CHD1: variants seen among roughly 807,000 people sequenced by gnomAD.
CHD1 encodes ATP-dependent chromatin remodeler CHD1.
CHD1 carries 36 observed loss-of-function variants against 224.2 expected under a neutral mutation model. That is an observed-to-expected ratio of 0.16 (90% CI 0.12 to 0.21). CHD1 has a LOEUF of 0.21. Among genes scored for constraint, CHD1 ranks in the 10% least tolerant of loss-of-function variants. CHD1 has a pLI of 1.00. For synonymous variants in CHD1, 668 were observed against 658.3 expected (o/e 1.01, Z -0.23); for missense variants, 1,378 against 1,994.8 (o/e 0.69, Z 5.89).
At chr5:98,913,900 C>A (rs1412839988) in intron 2 of CHD1, among the ~76,000 whole-genome samples, 2 of 152,058 alleles carry the variant, frequency 1.3e-5, no homozygotes, top group Non-Finnish European at 2.9e-5. Flanking sequence ...AAAAGCCACT[C>A]ATTTCTTATG....
intron 34 of CHD1, 166 bp downstream of exon 34, chr5:98,858,798 T>C (rs1219701123): frequency 2.1e-6 from 1 of 468,292 alleles, no homozygotes; most frequent in Admixed American, 3.9e-5. Flanking sequence ...GAATACATTT[T>C]ACATAATAAT....
intron 28 of CHD1, among the ~76,000 whole-genome samples, chr5:98,871,369 C>CAAAAAAAAAAAAAAAAAA (rs61406690): frequency 4.3e-5 from 2 of 46,780 alleles, no homozygotes; most frequent in African/African-American, 1.1e-4. Flanking sequence ...CCATTTTAGG[C>CAAAAAAAAAAAAAAAAAA]AAAAAAAAAA....
intron 3 of CHD1, among the ~76,000 whole-genome samples, 178 bp downstream of exon 3, chr5:98,904,719 T>A (rs760462602): frequency 6.6e-6 from 1 of 152,234 alleles, no homozygotes; most frequent in African/African-American, 2.4e-5. Context: ...AATGCATCTA[T>A]TCCAAGCCAA....
chr5:98,902,196 T>G (rs1313227664), intron 5 of CHD1, among the ~76,000 whole-genome samples: 1 of 151,920 alleles, frequency 6.6e-6, no homozygotes. Flanking sequence ...CAGAGAGATT[T>G]GTAGAAAGAG....
Position 98,898,663 on chromosome 5 carries a change from C to G in CHD1, c.1186+1G>C. 1 of 1,486,086 alleles carries G rather than the reference C, an allele frequency of 6.7e-7. No individual in the cohort carries two copies. Among genetic ancestry groups the G allele is most frequent in the Non-Finnish European group, 9.3e-7 (1 of 1,077,478 alleles). The allele number at this position is 1,486,086 out of a possible 1,614,324, so 92.1% of individuals were successfully genotyped here. ...TTTAACTAGAATCATTTATCACTAA[C>G]CAATTATACGTTCCACTATTTGATA... On this transcript the variant is annotated splice_donor_variant, in intron 9 of 35. Transcript: ENST00000614616. LOFTEE classifies it high-confidence loss of function.
intron 23 of CHD1, 124 bp downstream of exon 23, chr5:98,879,428 A>G (rs1236853015): frequency 9.6e-6 from 7 of 726,586 alleles, no homozygotes; most frequent in African/African-American, 1.9e-5. Context: ...TGAGGCAAAC[A>G]TTATCAAATC....
chr5:98,871,598 A>G (rs1013795845), intron 28 of CHD1, among the ~76,000 whole-genome samples: 7 of 152,048 alleles, frequency 4.6e-5, no homozygotes, highest in Admixed American at 2.6e-4. Flanking sequence ...ACAGTTAGCA[A>G]TAATCTATAC....
At chr5:98,900,441 CTT>C (rs766270530) in intron 7 of CHD1, among the ~76,000 whole-genome samples, 22 of 140,910 alleles carry the variant, frequency 1.6e-4, no homozygotes, top group South Asian at 2.3e-4. Context: ...AATACTTTAC[CTT>C]TTTTTTTTTT....
At chr5:98,905,951 G>C (rs1207008018) in intron 2 of CHD1, among the ~76,000 whole-genome samples, 1 of 152,126 alleles carries the variant, frequency 6.6e-6, no homozygotes, top group Non-Finnish European at 1.5e-5. Context: ...CTCCGCTTTT[G>C]ATGTAATTTC....
chr5:98,900,252 A>C (rs1353686454), intron 7 of CHD1, among the ~76,000 whole-genome samples: 1 of 149,966 alleles, frequency 6.7e-6, no homozygotes, highest in Non-Finnish European at 1.5e-5. Flanking sequence ...ACTGCACTCC[A>C]GCCTGGACAA....
chr5:98,894,566 A>C (rs1371513258), intron 13 of CHD1, 31 bp downstream of exon 13: 2 of 874,408 alleles, frequency 2.3e-6, no homozygotes, highest in East Asian at 5.6e-5. Context: ...GATATACAAG[A>C]GACCAAAACA....
In CHD1 at chr5:98,869,745, C is replaced by A. The variant is rs1337834233; in HGVS notation, c.4107+9G>T. ...TAGAAAAGGTTGTTGTTCTAAAACA[C>A]ATTCTTACTTTATCATCATCTTCAT... On this transcript the variant is annotated intron_variant, in intron 30 of 35. Coordinates refer to ENST00000614616, the MANE Select transcript of CHD1 (RefSeq NM_001270.4). 1 of 1,612,650 alleles carries A rather than the reference C, an allele frequency of 6.2e-7. No individual in the cohort carries two copies. Among genetic ancestry groups the A allele is most frequent in the African/African-American group, 1.3e-5 (1 of 74,874 alleles).
At chr5:98,923,600 G>T (rs1753251542) in intron 2 of CHD1, among the ~76,000 whole-genome samples, 2 of 151,854 alleles carry the variant, frequency 1.3e-5, no homozygotes, top group Admixed American at 1.3e-4. Context: ...TTTTGGTAGA[G>T]ACAGGATTTC....
chr5:98,881,914 A>AT (rs1431388548), intron 20 of CHD1, 61 bp downstream of exon 20: 1 of 1,394,682 alleles, frequency 7.2e-7, no homozygotes, highest in African/African-American at 1.4e-5. Context: ...GTGATGTAAC[A>AT]TATCAAAAAT....
rs191441994 is a variant in CHD1 at position 98,899,062 on chromosome 5, G to A, written c.1086-298C>T. Among the ~76,000 whole-genome samples, 341 of 152,154 alleles carry A rather than the reference G, an allele frequency of 2.2e-3. 3 individuals carry two copies. Among genetic ancestry groups the A allele is most frequent in the African/African-American group, 7.6e-3 (315 of 41,530 alleles). On this transcript the variant is annotated intron_variant, in intron 8 of 35. Transcript: ENST00000614616. ...TAAAATCATCCCTCACTACCTGCAG[G>A]GGATTGGTTGAGGATCCTCTACAGA...
chr5:98,894,279 A>C (rs1751208265), intron 13 of CHD1, among the ~76,000 whole-genome samples: 4 of 152,238 alleles, frequency 2.6e-5, no homozygotes, highest in Admixed American at 2.6e-4. Context: ...AAGAGCTTAC[A>C]AATCAATACA....
In CHD1 at chr5:98,856,715, C is replaced by A; in HGVS notation, c.4798G>T (p.Asp1600Tyr). Residue 1600 changes from aspartate (D) to tyrosine (Y), a missense_variant, in exon 36 of 36, where the codon GAC (aspartate) becomes TAC (tyrosine). This residue lies in a region of CHD1 where 278 missense variants were observed against 298.5 expected (regional missense o/e 0.93). Transcript: ENST00000614616. ...TCCAGTTTTCTGTGTTTCTCTCTGTCACTGTAATATCTAATAAAGAAAAAT... is the reference window on the plus strand; with the variant it reads ...TCCAGTTTTCTGTGTTTCTCTCTGTAACTGTAATATCTAATAAAGAAAAAT... ...HYKQDSRYYS[D>Y]REKHRKLDDH... 6.3e-7 allele frequency: 1 copy of A among 1,598,372 alleles called. No homozygotes were observed. Among genetic ancestry groups the A allele is most frequent in the South Asian group, 1.1e-5 (1 of 90,564 alleles).
At chr5:98,864,517 CAAAAAA>C (rs67061692) in intron 31 of CHD1, among the ~76,000 whole-genome samples, 18 of 58,158 alleles carry the variant, frequency 3.1e-4, no homozygotes, top group African/African-American at 1.1e-3. Context: ...GATTCTATAC[CAAAAAA>C]AAAAAAAAAA....
At chr5:98,857,813 A>G (rs1748152280) in intron 35 of CHD1, among the ~76,000 whole-genome samples, 3 of 152,014 alleles carry the variant, frequency 2.0e-5, no homozygotes, top group Admixed American at 2.0e-4. Flanking sequence ...TGGAATGCAA[A>G]ATTTCCTAAA....
Sources: gnomAD v4.1 joint callset for allele counts (sites outside exome capture counted in the v4.1 genomes callset) on GRCh38, gnomAD v4.1.1 for gene constraint, gnomAD v4.1.1 regional missense constraint, MANE v1.5 for transcripts, NCBI Gene and HGNC (gene_info 2026-07-23, HGNC 2026-07-21) for gene names.